The following POU3F3 variants were observed in gnomAD, a reference collection of about 807,000 sequenced individuals.
The protein encoded by POU3F3 is POU class 3 homeobox 3.
In POU3F3, 1 loss-of-function variant was observed where a neutral mutation model predicts 8.6. That is an observed-to-expected ratio of 0.12 (90% CI 0.04 to 0.55). The LOEUF (loss-of-function observed/expected upper bound fraction) is 0.55, where lower values mean the gene tolerates loss of function less well. POU3F3 is among the 20% of genes least tolerant of loss of function. The pLI is 0.91. For synonymous variants in POU3F3, 418 were observed against 327.4 expected, an observed-to-expected ratio of 1.28 and a Z score of -2.99; for missense variants, 577 against 690.7, an observed-to-expected ratio of 0.84 and a Z score of 1.84.
the POU3F3 span, among the ~76,000 whole-genome samples, chr2:104,918,446 G>T: frequency 6.6e-6 from 1 of 152,242 alleles, no homozygotes; most frequent in Non-Finnish European, 1.5e-5. Context: ...AGTCATTGCA[G>T]CTGTAATGAG....
chr2:104,921,187 G>A, the POU3F3 span, among the ~76,000 whole-genome samples: 3 of 152,158 alleles, frequency 2.0e-5, no homozygotes, highest in Non-Finnish European at 2.9e-5. Context: ...CAGTGACAGA[G>A]GCGAGGAGGC....
At chr2:104,908,019 A>T in the POU3F3 span, among the ~76,000 whole-genome samples, 1 of 152,206 alleles carries the variant, frequency 6.6e-6, no homozygotes, top group African/African-American at 2.4e-5. Flanking sequence ...TCTAAAAGTC[A>T]GGATTGGATA....
the POU3F3 span, among the ~76,000 whole-genome samples, chr2:104,923,137 A>T: frequency 2.0e-5 from 3 of 152,192 alleles, no homozygotes; most frequent in East Asian, 5.8e-4. Context: ...CCCTGAAAGA[A>T]CAGCTGAAAG....
At chr2:104,881,353 TG>T in the POU3F3 span, among the ~76,000 whole-genome samples, 2 of 151,944 alleles carry the variant, frequency 1.3e-5, no homozygotes, top group African/African-American at 2.4e-5. Context: ...TTTGTAGAGA[TG>T]GGGGTATCAC....
At chr2:104,891,862 A>G in the POU3F3 span, among the ~76,000 whole-genome samples, 2 of 152,212 alleles carry the variant, frequency 1.3e-5, no homozygotes, top group African/African-American at 4.8e-5. Flanking sequence ...CTGTTTCTAA[A>G]TATACAAAAA....
At chr2:104,888,035 G>A in the POU3F3 span, among the ~76,000 whole-genome samples, 2 of 152,148 alleles carry the variant, frequency 1.3e-5, no homozygotes, top group African/African-American at 4.8e-5. Flanking sequence ...TGATGGGTGG[G>A]TACCAACAAT....
chr2:104,888,312 C>G, the POU3F3 span, among the ~76,000 whole-genome samples: 2 of 152,164 alleles, frequency 1.3e-5, no homozygotes, highest in Non-Finnish European at 2.9e-5. Context: ...AATCGAGAAG[C>G]TAGTGTGGGT....
chr2:104,922,938 C>T, the POU3F3 span, among the ~76,000 whole-genome samples: 2 of 152,112 alleles, frequency 1.3e-5, no homozygotes, highest in Non-Finnish European at 2.9e-5. Context: ...AATAAAATTA[C>T]CAACAGGTTT....
At chr2:104,925,612 A>G in the POU3F3 span, among the ~76,000 whole-genome samples, 3 of 152,188 alleles carry the variant, frequency 2.0e-5, no homozygotes, top group Non-Finnish European at 4.4e-5. Context: ...ACATCCTCGA[A>G]TGCAAAAAAT....
At chr2:104,908,985 G>A in the POU3F3 span, among the ~76,000 whole-genome samples, 1 of 151,734 alleles carries the variant, frequency 6.6e-6, no homozygotes, top group Non-Finnish European at 1.5e-5. Flanking sequence ...ACTTTTTAAA[G>A]ATTCCTAGAG....
chr2:104,915,199 G>C, the POU3F3 span, among the ~76,000 whole-genome samples: 1 of 152,186 alleles, frequency 6.6e-6, no homozygotes, highest in Admixed American at 6.5e-5. Context: ...AATAGCAATT[G>C]TATTAGTCTT....
the POU3F3 span, among the ~76,000 whole-genome samples, chr2:104,890,474 C>T: frequency 3.9e-5 from 6 of 152,104 alleles, no homozygotes; most frequent in African/African-American, 7.2e-5. Context: ...CAGAGGAGAG[C>T]GACCTCATTC....
At chr2:104,866,174 A>G in the POU3F3 span, 1 of 152,212 alleles carries the variant, frequency 6.6e-6, no homozygotes, top group African/African-American at 2.4e-5. Flanking sequence ...GTTTTTAACA[A>G]GAGACGGGTA....
At chr2:104,913,219 T>C in the POU3F3 span, among the ~76,000 whole-genome samples, 1 of 151,754 alleles carries the variant, frequency 6.6e-6, no homozygotes, top group Non-Finnish European at 1.5e-5. Flanking sequence ...ATAGATTCCC[T>C]GGCTGGCTTC....
At chr2:104,891,229 C>T in the POU3F3 span, among the ~76,000 whole-genome samples, 2 of 152,082 alleles carry the variant, frequency 1.3e-5, no homozygotes, top group African/African-American at 4.8e-5. Flanking sequence ...TTTACTTACC[C>T]ATATATATTA....
At chr2:104,909,719 A>G in the POU3F3 span, among the ~76,000 whole-genome samples, 1 of 152,378 alleles carries the variant, frequency 6.6e-6, no homozygotes, top group South Asian at 2.1e-4. Context: ...CCAGTTTTAC[A>G]AAGCGCAAGT....
chr2:104,881,045 A>T, the POU3F3 span, among the ~76,000 whole-genome samples: 1 of 152,174 alleles, frequency 6.6e-6, no homozygotes, highest in Non-Finnish European at 1.5e-5. Context: ...CCTTAGAGGG[A>T]TGAATAACAT....
rs1390784791 is a variant in POU3F3 at position 104,855,834 on chromosome 2, C to T, written c.324C>T (p.Ala108=). 3.6e-6 allele frequency: 4 copies of T among 1,109,848 alleles called. No homozygotes were observed. Among genetic ancestry groups the T allele is most frequent in the Middle Eastern group, 3.6e-4 (1 of 2,756 alleles). 68.8% of individuals were successfully genotyped at this position (1,109,848 alleles called of 1,614,324 possible). ...CCCTGCCCCACGCCGCCGCCGCCGC[C>T]GCCGCTGCCGCCGCCGCCGCCGTGG... ...VTALPHAAAA[A]AAAAAAAVEA... Residue 108 remains alanine (A), a synonymous_variant, in exon 1 of 1, where the codon GCC becomes GCT. Coordinates refer to ENST00000361360, the MANE Select transcript of POU3F3 (RefSeq NM_006236.3).
chr2:104,897,776 C>T, the POU3F3 span, among the ~76,000 whole-genome samples: 1 of 152,320 alleles, frequency 6.6e-6, no homozygotes, highest in African/African-American at 2.4e-5. Context: ...TGTTTATATG[C>T]ATTTCAACCA....
Sources: gnomAD v4.1 joint callset for allele counts (sites outside exome capture counted in the v4.1 genomes callset) on GRCh38, gnomAD v4.1.1 for gene constraint, MANE v1.5 for transcripts, NCBI Gene and HGNC (gene_info 2026-07-23, HGNC 2026-07-21) for gene names.